SEC14L5: variants seen among roughly 807,000 people sequenced by gnomAD.
The protein encoded by SEC14L5 is SEC14-like protein 5.
Under a neutral mutation model 84.6 loss-of-function variants are expected in SEC14L5, and 96 were observed. The observed-to-expected ratio is 1.13, with a 90% CI of 0.96 to 1.34. SEC14L5 has a LOEUF of 1.34. Among genes scored for constraint, SEC14L5 ranks in the 40% most tolerant of loss-of-function variants. The pLI is 0.00. For synonymous variants in SEC14L5, 546 were observed against 383.4 expected (o/e 1.42, Z -4.95); for missense variants, 1,224 against 942.5 (o/e 1.30, Z -3.91).
chr16:5,016,402 A>C lies in SEC14L5; in HGVS notation c.*1432A>C, dbSNP rs1955875558. The C allele has an allele frequency of 6.6e-6, 1 of 152,214 alleles. No homozygotes were observed. The highest frequency in any genetic ancestry group is 1.5e-5 in the Non-Finnish European group (1 of 68,050). The allele number at this position is 152,214 out of a possible 1,614,324, so 9.4% of individuals were successfully genotyped here. ...TTAAAAATTGAGGCATTTCGCATCG[A>C]AATCAGGATTTCTGGCTTCCCTTAG... On this transcript the variant is annotated 3_prime_UTR_variant, in exon 16 of 16. Coordinates refer to ENST00000251170, the MANE Select transcript of SEC14L5 (RefSeq NM_014692.2).
rs764646086 is a variant in SEC14L5 at position 5,008,485 on chromosome 16, A to G, written c.1637A>G (p.Asp546Gly). ...TGGGACTTTGACATCCTGCGAGGGG[A>G]CGTGGTGTTCAGCCTGTACCACACC... ...ITWDFDILRG[D>G]VVFSLYHTKQ... The change falls in exon 14 of 16, where the codon GAC (aspartate) becomes GGC (glycine). Residue 546 changes from aspartate (D) to glycine (G), a missense_variant. Transcript: ENST00000251170. The G allele has an allele frequency of 6.2e-6, 10 of 1,613,414 alleles. No homozygotes were observed. Among genetic ancestry groups the G allele is most frequent in the South Asian group, 3.3e-5 (3 of 91,050 alleles).
Position 4,991,943 on chromosome 16 carries a change from C to G in SEC14L5, c.580C>G (p.Gln194Glu). ...APVREEDARN[Q>E]AGPRDPSSLE... is the part of the protein sequence containing the mutation. ...AGTCCGTGAGGAGGATGCCCGCAAC[C>G]AGGCTGGACCGAGGGACCCCAGCTC... is the stretch of plus-strand genomic sequence containing the variant. Residue 194 changes from glutamine to glutamate, a missense_variant, in exon 6 of 16, where the codon CAG becomes GAG. Transcript: ENST00000251170. 6.2e-7 allele frequency: 1 copy of G among 1,600,708 alleles called. No individual in the cohort carries two copies. Among genetic ancestry groups the G allele is most frequent in the Non-Finnish European group, 8.5e-7 (1 of 1,176,782 alleles).
rs557830194 is a variant in SEC14L5 at position 5,008,536 on chromosome 16, G to A, written c.1688G>A (p.Arg563Gln). The A allele has an allele frequency of 1.9e-5, 31 of 1,609,166 alleles. No individual in the cohort carries two copies. The highest frequency in any genetic ancestry group is 1.5e-4 in the Admixed American group (9 of 58,548). Residue 563 changes from arginine (R) to glutamine (Q), a missense_variant, in exon 14 of 16, where the codon CGG (arginine) becomes CAG (glutamine). By Grantham distance (43) the Arg-to-Gln change is conservative (BLOSUM62 1). Transcript: ENST00000251170. ...AAGCAGGCGCCCAGGCTGGGCGCCC[G>A]GGAACCGGGGACCAGGGCCAGCGGG... is the stretch of plus-strand genomic sequence containing the variant. ...HTKQAPRLGA[R>Q]EPGTRASGQL... is the part of the protein sequence containing the mutation.
At chr16:5,003,624 G>GGGCCCCC in intron 11 of SEC14L5, 51 bp downstream of exon 11, 2 of 305,312 alleles carry the variant, frequency 6.6e-6, no homozygotes, top group African/African-American at 2.6e-5. Flanking sequence ...GGTGGGATGG[G>GGGCCCCC]AGGGGTTCCG....
At chr16:4,959,626 C>G (rs755210699) in intron 2 of SEC14L5, among the ~76,000 whole-genome samples, 11 of 152,108 alleles carry the variant, frequency 7.2e-5, no homozygotes, top group Non-Finnish European at 1.5e-5. Context: ...TGACCTGCTC[C>G]CTTACTTTAG....
intron 2 of SEC14L5, among the ~76,000 whole-genome samples, chr16:4,983,651 C>T (rs866430007): frequency 1.3e-4 from 20 of 151,416 alleles, no homozygotes; most frequent in Admixed American, 5.3e-4. Flanking sequence ...CCGAGGTGGA[C>T]GGATCACCCG....
intron 8 of SEC14L5, among the ~76,000 whole-genome samples, chr16:4,999,771 C>T (rs1203408409): frequency 1.3e-5 from 2 of 149,728 alleles, no homozygotes; most frequent in African/African-American, 4.9e-5. Flanking sequence ...AAAAATTAGC[C>T]AAGCGTGGTG....
chr16:4,971,553 T>A (rs1238193507), intron 2 of SEC14L5, among the ~76,000 whole-genome samples: 1 of 152,236 alleles, frequency 6.6e-6, no homozygotes, highest in Non-Finnish European at 1.5e-5. Flanking sequence ...GTTTAATCCC[T>A]GTGGATAAAC....
chr16:5,000,780 G>A, intron 9 of SEC14L5, 37 bp downstream of exon 9: 3 of 1,557,516 alleles, frequency 1.9e-6, no homozygotes, highest in East Asian at 4.8e-5. Context: ...GCCGTGCCTG[G>A]GGCCGGGCCT....
chr16:4,963,634 C>G (rs1412797845), intron 2 of SEC14L5, among the ~76,000 whole-genome samples: 1 of 151,910 alleles, frequency 6.6e-6, no homozygotes, highest in Non-Finnish European at 1.5e-5. Flanking sequence ...GCGCGAGCCA[C>G]TGGGCCCAGG....
chr16:5,005,692 T>G (rs1955722661), intron 11 of SEC14L5, among the ~76,000 whole-genome samples: 1 of 151,002 alleles, frequency 6.6e-6, no homozygotes, highest in Non-Finnish European at 1.5e-5. Context: ...AAACCCCGTC[T>G]GTACTAAAAA....
At chr16:4,984,464 C>A (rs1388805479) in intron 2 of SEC14L5, among the ~76,000 whole-genome samples, 3 of 152,216 alleles carry the variant, frequency 2.0e-5, no homozygotes, top group Non-Finnish European at 4.4e-5. Context: ...GTTATTTCCA[C>A]TTTGCCTATT....
rs750795894 is a variant in SEC14L5 at position 5,007,463 on chromosome 16, G to A, written c.1549G>A (p.Val517Met). 2.9e-5 allele frequency: 47 copies of A among 1,613,576 alleles called. No homozygotes were observed. Among genetic ancestry groups the A allele is most frequent in the East Asian group, 4.5e-5 (2 of 44,884 alleles). Residue 517 changes from valine (V) to methionine (M), a missense_variant, in exon 13 of 16, where the codon GTG becomes ATG. Coordinates refer to ENST00000251170, the MANE Select transcript of SEC14L5 (RefSeq NM_014692.2). ...GAGTGAGACCTACCATTCAGCCAGC[G>A]TGCTCCGCGGAGCCCCCCACGAGGT... ...QWSETYHSASVLRGAPHEVAV... is the reference protein window; with the variant it reads ...QWSETYHSASMLRGAPHEVAV...
At chr16:5,010,803 A>C (rs1461104543) in intron 14 of SEC14L5, 2 of 395,898 alleles carry the variant, frequency 5.1e-6, no homozygotes, top group African/African-American at 4.0e-5. Context: ...CAAAAGCCCC[A>C]CAAAATCCAG....
At chr16:4,993,146 G>T (rs1017546425) in intron 6 of SEC14L5, among the ~76,000 whole-genome samples, 1 of 152,056 alleles carries the variant, frequency 6.6e-6, no homozygotes, top group Non-Finnish European at 1.5e-5. Context: ...GGGCTCAAAC[G>T]ATCCTCCTGC....
chr16:4,988,144 T>TGCAGATC lies in SEC14L5; in HGVS notation c.214_220dup. 2.5e-6 allele frequency: 4 copies of TGCAGATC among 1,613,480 alleles called. No individual in the cohort carries two copies. The highest frequency in any genetic ancestry group is 3.4e-6 in the Non-Finnish European group (4 of 1,179,538). On this transcript the variant is annotated splice_polypyrimidine_tract_variant and splice_region_variant and intron_variant, in intron 3 of 15. Coordinates refer to ENST00000251170, the MANE Select transcript of SEC14L5 (RefSeq NM_014692.2). ...ACCTCCGCCTCCCCGCCCCTTCCCT[T>TGCAGATC]GCAGATCGCAGGTGTTGAGCACGTG... is the stretch of plus-strand genomic sequence containing the variant.
intron 14 of SEC14L5, among the ~76,000 whole-genome samples, chr16:5,009,223 CTCTG>C (rs998792482): frequency 6.6e-6 from 1 of 152,154 alleles, no homozygotes; most frequent in African/African-American, 2.4e-5. Context: ...GGGGTTTCTT[CTCTG>C]TCTGTCTCTC....
intron 2 of SEC14L5, 38 bp downstream of exon 2, chr16:4,959,424 T>C: frequency 6.4e-7 from 1 of 1,563,806 alleles, no homozygotes; most frequent in Non-Finnish European, 8.8e-7. Flanking sequence ...CATGTGACAG[T>C]TGGAGGGGCT....
At chr16:4,989,343 G>T (rs717345) in intron 4 of SEC14L5, among the ~76,000 whole-genome samples, 74,183 of 141,978 alleles carry the variant, frequency 0.52, 19,212 homozygotes, top group East Asian at 0.73. Context: ...TTTTTTGTTT[G>T]TTTTTTTGAG....
Sources: allele counts gnomAD v4.1 joint callset (sites outside exome capture counted in the v4.1 genomes callset), GRCh38; gene constraint gnomAD v4.1.1; transcripts MANE v1.5; gene names NCBI Gene and HGNC (gene_info 2026-07-23, HGNC 2026-07-21).